The following LIMCH1 variants were observed in gnomAD, a reference collection of about 807,000 sequenced individuals.
LIMCH1 encodes LIM and calponin homology domains-containing protein 1.
Under a neutral mutation model 176.5 loss-of-function variants are expected in LIMCH1, and 113 were observed. The ratio of observed to expected loss-of-function variants is 0.64; its 90% CI spans 0.55 to 0.75. The LOEUF (loss-of-function observed/expected upper bound fraction) is 0.75, where lower values mean the gene tolerates loss of function less well. Ranked by LOEUF, LIMCH1 falls within the 30% of genes least tolerant of loss-of-function variation. LIMCH1 has a pLI of 0.00. For missense variants in LIMCH1, 1,674 were observed against 1,814.9 expected (o/e 0.92, Z 1.41); for synonymous variants, 619 against 645.9 (o/e 0.96, Z 0.63).
At chr4:41,361,634 A>G (rs1229473080) in intron 1 of LIMCH1, among the ~76,000 whole-genome samples, 1 of 152,210 alleles carries the variant, frequency 6.6e-6, no homozygotes, top group Non-Finnish European at 1.5e-5. Flanking sequence ...TCTGGTTGGC[A>G]TATTTCACTT....
intron 1 of LIMCH1, among the ~76,000 whole-genome samples, chr4:41,372,208 T>G (rs543918212): frequency 1.3e-5 from 2 of 152,322 alleles, no homozygotes; most frequent in South Asian, 4.1e-4. Flanking sequence ...GCCCCCCACC[T>G]TTTTGTGTAA....
intron 1 of LIMCH1, among the ~76,000 whole-genome samples, chr4:41,448,485 C>G (rs2063504489): frequency 6.6e-6 from 1 of 152,108 alleles, no homozygotes; most frequent in African/African-American, 2.4e-5. Context: ...CCTGCACTGA[C>G]CCAAGAATCA....
rs191406891 is a variant in LIMCH1, at chr4:41,567,185, C to T, written c.-241+28835C>T. ...AGGGGGGGACCTGCTTGGATTTGAA[C>T]CCTGTCTCGTCACTTGCTGTGCATA... is the stretch of plus-strand genomic sequence containing the variant. On this transcript the variant is annotated intron_variant, in intron 1 of 31. Coordinates refer to ENST00000503057, the MANE Select transcript of LIMCH1 (RefSeq NM_001330672.2). 3.9e-3 allele frequency among the ~76,000 whole-genome samples: 592 copies of T among 152,288 alleles called. 2 individuals carry two copies. Among genetic ancestry groups the T allele is most frequent in the African/African-American group, 0.014 (567 of 41,554 alleles).
intron 1 of LIMCH1, among the ~76,000 whole-genome samples, chr4:41,576,851 T>A (rs932978504): frequency 6.6e-6 from 1 of 152,114 alleles, no homozygotes; most frequent in Non-Finnish European, 1.5e-5. Context: ...TTTTAAAATA[T>A]TAAAATATGG....
At chr4:41,400,276 C>G (rs954864129) in intron 1 of LIMCH1, among the ~76,000 whole-genome samples, 1 of 152,034 alleles carries the variant, frequency 6.6e-6, no homozygotes, top group Non-Finnish European at 1.5e-5. Flanking sequence ...AAATGGAAGT[C>G]CAGGGAGAGT....
At chr4:41,656,942 T>A (rs966444796) in intron 18 of LIMCH1, among the ~76,000 whole-genome samples, 1 of 152,136 alleles carries the variant, frequency 6.6e-6, no homozygotes, top group African/African-American at 2.4e-5. Flanking sequence ...TAGTACATCT[T>A]CCAATGTCGT....
intron 2 of LIMCH1, among the ~76,000 whole-genome samples, chr4:41,518,961 A>C (rs769233377): frequency 1.3e-5 from 2 of 151,910 alleles, no homozygotes; most frequent in African/African-American, 4.8e-5. Flanking sequence ...TATGTGCCAC[A>C]TTTTCTTTAT....
chr4:41,572,784 AG>A (rs2083768067), intron 1 of LIMCH1, among the ~76,000 whole-genome samples: 1 of 152,200 alleles, frequency 6.6e-6, no homozygotes, highest in African/African-American at 2.4e-5. Context: ...AGTAATTCTT[AG>A]GTGGGTTAAG....
intron 1 of LIMCH1, among the ~76,000 whole-genome samples, chr4:41,364,878 T>G (rs56232938): frequency 0.018 from 2,791 of 152,246 alleles, 90 homozygotes; most frequent in African/African-American, 0.064. Flanking sequence ...TCCCTCTTCC[T>G]CCCTTTTATT....
intron 19 of LIMCH1, 154 bp from the exon 20 acceptor site, chr4:41,662,667 G>T (rs2094666761): frequency 2.7e-6 from 2 of 738,672 alleles, no homozygotes; most frequent in Non-Finnish European, 4.3e-6. Flanking sequence ...AGCATCTTAG[G>T]CTCTTTTATA....
At chr4:41,521,941 A>G (rs570095874) in intron 2 of LIMCH1, among the ~76,000 whole-genome samples, 1 of 152,170 alleles carries the variant, frequency 6.6e-6, no homozygotes, top group Non-Finnish European at 1.5e-5. Flanking sequence ...AAATCTCAAT[A>G]TATATAAAAG....
intron 2 of LIMCH1, among the ~76,000 whole-genome samples, chr4:41,523,153 C>G (rs1049886480): frequency 6.6e-6 from 1 of 152,110 alleles, no homozygotes; most frequent in Non-Finnish European, 1.5e-5. Flanking sequence ...ACTATTAAAC[C>G]ATTTGAAAAA....
intron 1 of LIMCH1, among the ~76,000 whole-genome samples, chr4:41,569,387 A>G (rs1035308252): frequency 7.9e-5 from 12 of 152,302 alleles, no homozygotes; most frequent in African/African-American, 2.9e-4. Flanking sequence ...GAGAAAGTGC[A>G]CATTTTGCCC....
At chr4:41,673,742 A>G (rs189044723) in intron 22 of LIMCH1, among the ~76,000 whole-genome samples, 1 of 152,334 alleles carries the variant, frequency 6.6e-6, no homozygotes, top group African/African-American at 2.4e-5. Context: ...GTCTTGGGGT[A>G]GATAGGAGGA....
chr4:41,490,347 T>C lies in LIMCH1; in HGVS notation c.97-4189T>C, dbSNP rs1220521207. ...CAGAGAGGGGGATGTGGCAGGGTCATAGGATAATAGTGGAGAGAAGGTCAG... is the reference window on the plus strand; with the variant it reads ...CAGAGAGGGGGATGTGGCAGGGTCACAGGATAATAGTGGAGAGAAGGTCAG... On this transcript the variant is annotated intron_variant, in intron 1 of 26. Transcript: ENST00000313860. Among the ~76,000 whole-genome samples the C allele has an allele frequency of 2.0e-5, 3 of 151,038 alleles. No individual in the cohort carries two copies. The Admixed American group carries it at 2.0e-4, about 10-fold the overall frequency.
At position 41,646,730 on chromosome 4, in the gene LIMCH1, C is replaced by G. The variant is rs746450604; in HGVS notation, c.2657C>G (p.Ala886Gly). 1.4e-5 allele frequency: 22 copies of G among 1,614,216 alleles called. No homozygotes were observed. The East Asian group carries it at 4.9e-4, about 36-fold the overall frequency. Residue 886 changes from alanine to glycine, a missense_variant, in exon 17 of 32, where the codon GCC (alanine) becomes GGC (glycine). Coordinates refer to ENST00000503057, the MANE Select transcript of LIMCH1 (RefSeq NM_001330672.2). ...TCACTGCCTCCACCCAAATTCACTG[C>G]CACTGTTGAAACCACCATTGCTCGT... ...QQSLPPPKFT[A>G]TVETTIARAS...
At chr4:41,533,649 A>G (rs2077566981), upstream of LIMCH1, among the ~76,000 whole-genome samples, 1 of 152,234 alleles carries the variant, frequency 6.6e-6, no homozygotes, top group Admixed American at 6.5e-5. Context: ...ACTACTTTCT[A>G]GAAGACAAAT....
intron 1 of LIMCH1, among the ~76,000 whole-genome samples, chr4:41,405,719 A>T (rs2058889978): frequency 6.6e-6 from 1 of 152,150 alleles, no homozygotes; most frequent in Non-Finnish European, 1.5e-5. Context: ...CCCTGATTTG[A>T]TTATATGAAT....
At chr4:41,442,045 T>C (rs1295885722) in intron 1 of LIMCH1, among the ~76,000 whole-genome samples, 1 of 152,128 alleles carries the variant, frequency 6.6e-6, no homozygotes, top group Non-Finnish European at 1.5e-5. Context: ...AGCCTGGGTG[T>C]GGTAGCTCAT....
Sources: gnomAD v4.1 joint callset for allele counts (sites outside exome capture counted in the v4.1 genomes callset) on GRCh38, gnomAD v4.1.1 for gene constraint, MANE v1.5 for transcripts, NCBI Gene and HGNC (gene_info 2026-07-23, HGNC 2026-07-21) for gene names.